Variants in LIPA observed in about 807,000 individuals in gnomAD.
LIPA encodes the protein lipase A, lysosomal acid type.
Under a neutral mutation model 40.6 loss-of-function variants are expected in LIPA, and 26 were observed. The ratio of observed to expected loss-of-function variants is 0.64; its 90% CI spans 0.47 to 0.89. LIPA has a LOEUF of 0.89. Ranked by LOEUF, LIPA falls within the 40% of genes least tolerant of loss-of-function variation. The pLI, the probability that LIPA is intolerant of heterozygous loss-of-function variation, is 0.00. For synonymous variants in LIPA, 188 were observed against 168.4 expected (o/e 1.12, Z -0.90); for missense variants, 455 against 479.6 (o/e 0.95, Z 0.48).
intron 1 of LIPA, among the ~76,000 whole-genome samples, chr10:89,313,081 C>A (rs897399812): frequency 6.6e-6 from 1 of 152,162 alleles, no homozygotes; most frequent in East Asian, 1.9e-4. Flanking sequence ...AGAGTTCTAA[C>A]TAGACCAGTA....
At chr10:89,286,049 C>T (rs1843339564) in intron 1 of LIPA, among the ~76,000 whole-genome samples, 1 of 152,106 alleles carries the variant, frequency 6.6e-6, no homozygotes, top group Non-Finnish European at 1.5e-5. Context: ...AATACAAACT[C>T]GACAGTGGTT....
At chr10:89,392,317 C>A (rs998266139) in intron 2 of LIPA, among the ~76,000 whole-genome samples, 18 of 152,196 alleles carry the variant, frequency 1.2e-4, no homozygotes, top group African/African-American at 4.3e-4. Context: ...CACCAACTGC[C>A]ACAATAGGCA....
intron 1 of LIPA, among the ~76,000 whole-genome samples, chr10:89,413,246 CTTATCAGTTTTTAAAT>C (rs1841491138): frequency 6.6e-6 from 1 of 152,136 alleles, no homozygotes; most frequent in African/African-American, 2.4e-5. Flanking sequence ...TTTCTATTAA[CTTATCAGTTTTTAAAT>C]TTATATTAAA....
chr10:89,297,078 CA>C (rs1317942287), intron 1 of LIPA, among the ~76,000 whole-genome samples: 6 of 152,110 alleles, frequency 3.9e-5, no homozygotes, highest in African/African-American at 1.4e-4. Context: ...CACTAGAATT[CA>C]ACAGAGAAGT....
chr10:89,294,494 G>A (rs539321802), intron 1 of LIPA, among the ~76,000 whole-genome samples: 38 of 152,246 alleles, frequency 2.5e-4, no homozygotes, highest in East Asian at 1.5e-3. Context: ...ATGGAACTCC[G>A]TCCCTCAATA....
At chr10:89,284,706 C>T (rs1022049581) in intron 1 of LIPA, among the ~76,000 whole-genome samples, 2 of 152,166 alleles carry the variant, frequency 1.3e-5, no homozygotes, top group Non-Finnish European at 2.9e-5. Flanking sequence ...CTGTGTACAC[C>T]TGTATACGCT....
intron 3 of LIPA, among the ~76,000 whole-genome samples, chr10:89,233,817 G>A (rs1212377148): frequency 1.3e-5 from 2 of 152,160 alleles, no homozygotes; most frequent in Non-Finnish European, 2.9e-5. Context: ...GGTCAGCCAA[G>A]ATCGCACCAC....
At chr10:89,309,880 C>T (rs112559217) in intron 1 of LIPA, among the ~76,000 whole-genome samples, 44 of 152,236 alleles carry the variant, frequency 2.9e-4, no homozygotes, top group East Asian at 1.5e-3. Flanking sequence ...CCACATTTCC[C>T]GGGGCAGGAC....
intron 1 of LIPA, among the ~76,000 whole-genome samples, chr10:89,323,248 T>C (rs1843581202): frequency 1.3e-5 from 2 of 152,180 alleles, no homozygotes; most frequent in African/African-American, 4.8e-5. Context: ...CATCCATTAA[T>C]GTTAAAAATC....
chr10:89,331,320 C>T (rs574179583), intron 1 of LIPA, among the ~76,000 whole-genome samples: 11 of 152,182 alleles, frequency 7.2e-5, no homozygotes, highest in East Asian at 5.8e-4. Context: ...TATAGGAGCA[C>T]GCCACTATGC....
At chr10:89,306,845 C>T in intron 1 of LIPA, 2 of 1,613,976 alleles carry the variant, frequency 1.2e-6, no homozygotes, top group Non-Finnish European at 1.7e-6. Context: ...AAAAGTCTTC[C>T]AAGTAATGAA....
At chr10:89,329,439 A>G (rs1000239689) in intron 1 of LIPA, among the ~76,000 whole-genome samples, 19 of 152,122 alleles carry the variant, frequency 1.2e-4, no homozygotes, top group African/African-American at 4.3e-4. Context: ...AGGTGTGTCT[A>G]TAGCCACTGA....
chr10:89,316,587 G>A (rs566644617), intron 1 of LIPA, among the ~76,000 whole-genome samples: 2 of 152,350 alleles, frequency 1.3e-5, no homozygotes, highest in Non-Finnish European at 2.9e-5. Context: ...ACTGGGTGGA[G>A]CCCACCACAG....
At chr10:89,254,769 A>C (rs1467849148), upstream of LIPA, among the ~76,000 whole-genome samples, 3 of 152,162 alleles carry the variant, frequency 2.0e-5, no homozygotes, top group Non-Finnish European at 4.4e-5. Context: ...TCACCATTTC[A>C]ATGTTTTACT....
chr10:89,406,835 C>A (rs1261612195), intron 2 of LIPA, among the ~76,000 whole-genome samples: 1 of 152,162 alleles, frequency 6.6e-6, no homozygotes, highest in Non-Finnish European at 1.5e-5. Flanking sequence ...CAATTCCAGA[C>A]AAATTTTGGT....
chr10:89,289,417 G>A (rs547585521), intron 1 of LIPA, among the ~76,000 whole-genome samples: 6 of 152,064 alleles, frequency 3.9e-5, no homozygotes, highest in South Asian at 4.2e-4. Context: ...CACTAAGCTC[G>A]GGGATTTGCC....
chr10:89,405,185 A>G (rs1324089313), intron 2 of LIPA: 2 of 150,832 alleles, frequency 1.3e-5, no homozygotes, highest in Non-Finnish European at 3.0e-5. Context: ...ATTCAATGTG[A>G]AAGGGTTCCA....
chr10:89,382,654 T>C (rs963282208), intron 2 of LIPA, among the ~76,000 whole-genome samples: 58 of 152,228 alleles, frequency 3.8e-4, no homozygotes, highest in Non-Finnish European at 6.6e-4. Context: ...GTAATGTTCA[T>C]TCATGCCTCT....
At position 89,342,270 on chromosome 10, in the gene LIPA, GA is replaced by G. The variant is rs1843878641; in HGVS notation, c.-2+340del. Among the ~76,000 whole-genome samples, 2 of 152,182 alleles carry G rather than the reference GA, an allele frequency of 1.3e-5. 1 individual carries two copies. Among genetic ancestry groups the G allele is most frequent in the South Asian group, 4.1e-4 (2 of 4,832 alleles). ...GAATACCACAGATGATCACCCTTAAGATATTATAAGATGGGCAGAGAGCACA... is the reference window on the plus strand; with the variant it reads ...GAATACCACAGATGATCACCCTTAAGTATTATAAGATGGGCAGAGAGCACA... On this transcript the variant is annotated intron_variant, in intron 1 of 5. Coordinates refer to the LIPA transcript ENST00000282673.
Sources: gnomAD v4.1 joint callset for allele counts (sites outside exome capture counted in the v4.1 genomes callset) on GRCh38, gnomAD v4.1.1 for gene constraint, MANE v1.5 for transcripts, NCBI Gene and HGNC (gene_info 2026-07-23, HGNC 2026-07-21) for gene names.